GMPS: variants seen among roughly 807,000 people sequenced by gnomAD.
The protein encoded by GMPS is guanosine monophosphate synthase, also known as GMP synthase [glutamine-hydrolyzing].
In GMPS, 15 loss-of-function variants were observed where a neutral mutation model predicts 77.9. That is an observed-to-expected ratio of 0.19 (90% CI 0.13 to 0.30). The LOEUF (loss-of-function observed/expected upper bound fraction) is 0.30, where lower values mean the gene tolerates loss of function less well. Ranked by LOEUF, GMPS falls within the 10% of genes least tolerant of loss-of-function variation. The pLI, the probability that GMPS is intolerant of heterozygous loss-of-function variation, is 1.00. For synonymous variants in GMPS, 224 were observed against 275.9 expected (o/e 0.81, Z 1.86); for missense variants, 590 against 838.8 (o/e 0.70, Z 3.66).
chr3:155,928,019 CTTTTT>C (rs35962523), intron 12 of GMPS, among the ~76,000 whole-genome samples: 30 of 67,844 alleles, frequency 4.4e-4, no homozygotes, highest in African/African-American at 1.3e-3. Flanking sequence ...GCATTTTACA[CTTTTT>C]TTTTTTTTTT....
At position 155,911,217 on chromosome 3, in the gene GMPS, T is replaced by C. The variant is rs1411019845; in HGVS notation, c.824T>C (p.Met275Thr). The C allele has an allele frequency of 6.2e-7, 1 of 1,613,256 alleles. No homozygotes were observed. ...VIAVHIDNGF[M>T]RKRESQSVEE... ...GCTGTGCACATTGATAATGGCTTTA[T>C]GAGAAAACGAGAAAGCCAGTCTGTT... Residue 275 changes from methionine to threonine, a missense_variant, in exon 7 of 16, where the codon ATG (methionine) becomes ACG (threonine). Met to Thr is a moderately conservative substitution (Grantham distance 81). Coordinates refer to ENST00000496455, the MANE Select transcript of GMPS (RefSeq NM_003875.3).
intron 1 of GMPS, among the ~76,000 whole-genome samples, chr3:155,883,394 A>G (rs1754255129): frequency 6.6e-6 from 1 of 152,168 alleles, no homozygotes; most frequent in African/African-American, 2.4e-5. Context: ...TCTTAAGGAA[A>G]AAAAATGTAT....
At chr3:155,912,942 G>T (rs945489111) in intron 7 of GMPS, among the ~76,000 whole-genome samples, 2 of 152,246 alleles carry the variant, frequency 1.3e-5, no homozygotes, top group Non-Finnish European at 2.9e-5. Flanking sequence ...TAGCACAGGA[G>T]CAAACTGTGC....
chr3:155,941,164 G>A lies in GMPS; in HGVS notation c.*3472G>A, dbSNP rs1755880047. The A allele has an allele frequency of 5.6e-6, 1 of 179,044 alleles. No homozygotes were observed. Among genetic ancestry groups the A allele is most frequent in the African/African-American group, 2.4e-5 (1 of 42,300 alleles). 11.1% of individuals were successfully genotyped at this position (179,044 alleles called of 1,614,324 possible). ...TCATGCCTGTAATCCCAGCACTTTG[G>A]GAGGCCGAGGTGGGTGGATCACGAG... On this transcript the variant is annotated 3_prime_UTR_variant, in exon 16 of 16. Transcript: ENST00000496455.
At chr3:155,910,924 C>A in intron 6 of GMPS, 39 bp downstream of exon 6, 3 of 1,369,480 alleles carry the variant, frequency 2.2e-6, no homozygotes, top group South Asian at 2.7e-5. Flanking sequence ...AAATTTATAT[C>A]AATAATATTG....
At chr3:155,873,203 T>G (rs959850712) in intron 1 of GMPS, among the ~76,000 whole-genome samples, 2 of 152,226 alleles carry the variant, frequency 1.3e-5, no homozygotes, top group African/African-American at 4.8e-5. Flanking sequence ...TTTTGCATGA[T>G]AGAAACTGGA....
chr3:155,886,611 CTTTTTT>C (rs58367815), intron 1 of GMPS, among the ~76,000 whole-genome samples: 50 of 78,042 alleles, frequency 6.4e-4, no homozygotes, highest in African/African-American at 2.3e-3. Flanking sequence ...TTCCTGATGA[CTTTTTT>C]TTTTTTTTTT....
Position 155,870,650 on chromosome 3 carries a change from A to G in GMPS, c.-221A>G, listed in dbSNP as rs888977172. On this transcript the variant is annotated 5_prime_UTR_variant, in exon 1 of 16. Transcript: ENST00000496455. ...CGGGGCGGAAGCAGGAGGCGGGGGCAGCGTGCGCGCTGCTGGTCTTCTCTC... is the reference window on the plus strand; with the variant it reads ...CGGGGCGGAAGCAGGAGGCGGGGGCGGCGTGCGCGCTGCTGGTCTTCTCTC... 8.4e-6 allele frequency: 4 copies of G among 474,548 alleles called. No individual in the cohort carries two copies. Among genetic ancestry groups the G allele is most frequent in the South Asian group, 3.0e-5 (1 of 33,464 alleles). 29.4% of individuals were successfully genotyped at this position (474,548 alleles called of 1,614,324 possible). A position where few individuals can be genotyped will look rare whatever the true frequency, so the allele number is the denominator to read the frequency against.
At chr3:155,877,387 A>G (rs919119548) in intron 1 of GMPS, among the ~76,000 whole-genome samples, 21 of 152,142 alleles carry the variant, frequency 1.4e-4, no homozygotes, top group Non-Finnish European at 5.9e-5. Flanking sequence ...GATATAATTG[A>G]CATACCATGT....
chr3:155,880,995 A>G (rs538058631), intron 1 of GMPS, among the ~76,000 whole-genome samples: 1 of 152,254 alleles, frequency 6.6e-6, no homozygotes, highest in Admixed American at 6.5e-5. Context: ...AGATGACCAT[A>G]ATTATAGACA....
chr3:155,869,956 C>T (rs1380464963), upstream of GMPS, among the ~76,000 whole-genome samples: 1 of 152,062 alleles, frequency 6.6e-6, no homozygotes, highest in Non-Finnish European at 1.5e-5. Flanking sequence ...GGACTGCAGC[C>T]CCTTCCCCAC....
chr3:155,879,730 C>CT (rs58045835), intron 1 of GMPS, among the ~76,000 whole-genome samples: 32,694 of 106,654 alleles, frequency 0.31, 7,501 homozygotes, highest in African/African-American at 0.56. Flanking sequence ...CTTTTTTGCC[C>CT]TTTTTTTTTT....
At chr3:155,886,130 T>G (rs1168628029) in intron 1 of GMPS, among the ~76,000 whole-genome samples, 1 of 151,752 alleles carries the variant, frequency 6.6e-6, no homozygotes, top group African/African-American at 2.4e-5. Context: ...CTTCAGTTGG[T>G]TTTTAAATGT....
At chr3:155,914,335 G>A in intron 7 of GMPS, 84 bp from the exon 8 acceptor site, 1 of 1,001,132 alleles carries the variant, frequency 1.0e-6, no homozygotes, top group East Asian at 2.8e-5. Flanking sequence ...GAAAGAAATA[G>A]CTTTTCTTTC....
chr3:155,886,392 A>G (rs1009342862), intron 1 of GMPS, among the ~76,000 whole-genome samples: 2 of 150,842 alleles, frequency 1.3e-5, no homozygotes, highest in African/African-American at 2.4e-5. Context: ...CAGCCAACAT[A>G]GTGAAACCCC....
In GMPS at chr3:155,913,815, C is replaced by T. The variant is rs77813658; in HGVS notation, c.887-604C>T. Among the ~76,000 whole-genome samples the T allele has an allele frequency of 5.3e-3, 812 of 152,072 alleles. 14 individuals are homozygous for T. Among genetic ancestry groups the T allele is most frequent in the African/African-American group, 0.018 (766 of 41,488 alleles). ...GTATTACAGGTGTGAGCCACCGTGCCGGCCCTAATCAGCATAATTTGTGAT... is the reference window on the plus strand; with the variant it reads ...GTATTACAGGTGTGAGCCACCGTGCTGGCCCTAATCAGCATAATTTGTGAT... On this transcript the variant is annotated intron_variant, in intron 7 of 15. Transcript: ENST00000496455.
At chr3:155,884,403 G>GA (rs936558047) in intron 1 of GMPS, among the ~76,000 whole-genome samples, 22 of 146,728 alleles carry the variant, frequency 1.5e-4, no homozygotes, top group East Asian at 1.4e-3. Flanking sequence ...AAAAAAAAAA[G>GA]AAAAAAAAAT....
intron 1 of GMPS, among the ~76,000 whole-genome samples, chr3:155,877,384 T>C (rs1305024647): frequency 6.6e-6 from 1 of 152,180 alleles, no homozygotes; most frequent in Non-Finnish European, 1.5e-5. Flanking sequence ...TGAGATATAA[T>C]TGACATACCA....
Position 155,890,978 on chromosome 3 carries a change from A to T in GMPS, c.28-2540A>T, listed in dbSNP as rs1189588597. Among the ~76,000 whole-genome samples the T allele has an allele frequency of 2.0e-5, 3 of 152,162 alleles. No individual in the cohort carries two copies. The East Asian group carries it at 5.8e-4, about 29-fold the overall frequency. On this transcript the variant is annotated intron_variant, in intron 1 of 15. Transcript: ENST00000496455. Reference sequence around the variant, plus strand: ...CAGTGTAAGACAGGCAACACACTGCACTCTGGCTGTTTGTTGTCCATTGAC... The same window carrying T: ...CAGTGTAAGACAGGCAACACACTGCTCTCTGGCTGTTTGTTGTCCATTGAC...
Sources: gnomAD v4.1 joint callset for allele counts (sites outside exome capture counted in the v4.1 genomes callset) on GRCh38, gnomAD v4.1.1 for gene constraint, MANE v1.5 for transcripts, NCBI Gene and HGNC (gene_info 2026-07-23, HGNC 2026-07-21) for gene names.